Variants in C2orf42 observed in about 807,000 individuals in gnomAD.
C2orf42 encodes uncharacterized protein C2orf42.
In C2orf42, 44 loss-of-function variants were observed where a neutral mutation model predicts 58.9. The observed-to-expected ratio is 0.75, with a 90% CI of 0.59 to 0.96. The LOEUF is 0.96. C2orf42 is among the 40% of genes least tolerant of loss of function. The pLI, the probability that C2orf42 is intolerant of heterozygous loss-of-function variation, is 0.00. For synonymous variants in C2orf42, 239 were observed against 265.4 expected (o/e 0.90, Z 0.97); for missense variants, 630 against 699.2 (o/e 0.90, Z 1.12).
intron 4 of C2orf42, 109 bp downstream of exon 4, chr2:70,179,423 A>C (rs1222827670): frequency 7.7e-6 from 3 of 389,374 alleles, no homozygotes; most frequent in African/African-American, 6.3e-5. Context: ...ATAAAAATAA[A>C]ATAAAATATA....
At position 70,165,648 on chromosome 2, in the gene C2orf42, A is replaced by AG; in HGVS notation, c.1145-14dup. ...GGTTCTGGTTTGCCTATGGGAAACA[A>AG]GAAGAAACAACTCATTTAAAGAAAC... On this transcript the variant is annotated splice_polypyrimidine_tract_variant and intron_variant, in intron 6 of 9. Transcript: ENST00000264434. 2 of 1,436,822 alleles carry AG rather than the reference A, an allele frequency of 1.4e-6. No homozygotes were observed. Among genetic ancestry groups the AG allele is most frequent in the Non-Finnish European group, 9.8e-7 (1 of 1,020,170 alleles). 89.0% of individuals were successfully genotyped at this position (1,436,822 alleles called of 1,614,324 possible).
intron 9 of C2orf42, among the ~76,000 whole-genome samples, chr2:70,157,380 A>G (rs1007535079): frequency 2.1e-4 from 32 of 151,886 alleles, no homozygotes; most frequent in African/African-American, 7.3e-4. Context: ...CGTGAACCCC[A>G]GGGGGCGGAG....
rs1455510272 is a variant in C2orf42, at chr2:70,179,637, T to C, written c.829A>G (p.Lys277Glu). The C allele has an allele frequency of 7.4e-7, 1 of 1,354,214 alleles. No individual in the cohort carries two copies. Among genetic ancestry groups the C allele is most frequent in the East Asian group, 2.3e-5 (1 of 43,624 alleles). 83.9% of individuals were successfully genotyped at this position (1,354,214 alleles called of 1,614,324 possible). Residue 277 changes from lysine (K) to glutamate (E), a missense_variant, in exon 4 of 10, where the codon AAA becomes GAA. Physicochemically the swap from Lys to Glu is moderately conservative, Grantham distance 56 (BLOSUM62 1). Coordinates refer to ENST00000264434, the MANE Select transcript of C2orf42 (RefSeq NM_017880.3). ...CCTAACTGGGGTACAATAATCTCTT[T>C]AAGACCTAAAAAAAAGAAGATTTCT... The part of the protein sequence containing the change: ...DFLNFDSSGL[K>E]EIIVPQLGCH...
chr2:70,177,413 G>A (rs13431238), intron 4 of C2orf42, among the ~76,000 whole-genome samples: 1 of 152,040 alleles, frequency 6.6e-6, no homozygotes, highest in Non-Finnish European at 1.5e-5. Flanking sequence ...GCACAATCCA[G>A]AGCAAGACTC....
intron 8 of C2orf42, among the ~76,000 whole-genome samples, chr2:70,162,461 A>G (rs1428089446): frequency 6.6e-6 from 1 of 151,790 alleles, no homozygotes; most frequent in African/African-American, 2.4e-5. Context: ...CAGCCTGGTC[A>G]ACATGGTGAA....
chr2:70,156,359 G>A (rs1209751884), intron 9 of C2orf42, among the ~76,000 whole-genome samples: 5 of 152,088 alleles, frequency 3.3e-5, no homozygotes, highest in African/African-American at 9.7e-5. Flanking sequence ...GGTGGTGTGT[G>A]CCTGTAGTCC....
At chr2:70,157,903 AAAAG>A (rs1672784422) in intron 9 of C2orf42, among the ~76,000 whole-genome samples, 1 of 151,644 alleles carries the variant, frequency 6.6e-6, no homozygotes, top group Admixed American at 6.6e-5. Context: ...AAAATTCCTA[AAAAG>A]AAAGAAATTA....
chr2:70,170,060 G>C (rs536425721), intron 5 of C2orf42, among the ~76,000 whole-genome samples: 2 of 151,134 alleles, frequency 1.3e-5, no homozygotes, highest in East Asian at 3.9e-4. Flanking sequence ...CGCCCGGCCT[G>C]TTTTTTATTT....
intron 9 of C2orf42, among the ~76,000 whole-genome samples, chr2:70,154,414 TAAAAAAAAAAAAAAAAAAA>T (rs36028499): frequency 3.9e-5 from 1 of 25,566 alleles, no homozygotes; most frequent in Middle Eastern, 0.033. Context: ...AAATTTTTAC[TAAAAAAAAAAAAAAAAAAA>T]AAAAAAAAAA....
At chr2:70,172,457 C>G (rs888473004) in intron 5 of C2orf42, among the ~76,000 whole-genome samples, 1 of 151,994 alleles carries the variant, frequency 6.6e-6, no homozygotes, top group Non-Finnish European at 1.5e-5. Flanking sequence ...GCGGGTGGAT[C>G]TCTTGAGCCC....
At chr2:70,189,943 G>T (rs1435899938) in intron 1 of C2orf42, among the ~76,000 whole-genome samples, 1 of 137,816 alleles carries the variant, frequency 7.3e-6, no homozygotes, top group African/African-American at 2.6e-5. Flanking sequence ...TCTTTTAAAA[G>T]AAAAAAAAAA....
chr2:70,157,834 T>C (rs538983001), intron 9 of C2orf42, among the ~76,000 whole-genome samples: 1 of 152,288 alleles, frequency 6.6e-6, no homozygotes, highest in African/African-American at 2.4e-5. Context: ...TTATATTGGA[T>C]AAATAACATC....
intron 3 of C2orf42, among the ~76,000 whole-genome samples, chr2:70,179,950 C>A (rs762185455): frequency 6.6e-6 from 1 of 151,252 alleles, no homozygotes; most frequent in Non-Finnish European, 1.5e-5. Flanking sequence ...AAAAACAAAC[C>A]AAAAACAAAA....
chr2:70,156,919 T>G (rs1672713269), intron 9 of C2orf42, among the ~76,000 whole-genome samples: 1 of 151,818 alleles, frequency 6.6e-6, no homozygotes, highest in African/African-American at 2.4e-5. Context: ...AAAAGAAAGC[T>G]GGTGTCACTG....
chr2:70,150,571 A>G lies in C2orf42; in HGVS notation c.1517-7T>C. ...TGATCTGGGGAAGTGTTGCCTAAAG[A>G]GAAGAAAGGAGTATTAGTACAATTC... On this transcript the variant is annotated splice_region_variant and splice_polypyrimidine_tract_variant and intron_variant, in intron 9 of 9. Coordinates refer to ENST00000264434, the MANE Select transcript of C2orf42 (RefSeq NM_017880.3). 6.2e-7 allele frequency: 1 copy of G among 1,603,236 alleles called. No individual in the cohort carries two copies. Among genetic ancestry groups the G allele is most frequent in the South Asian group, 1.1e-5 (1 of 90,874 alleles).
chr2:70,169,123 G>A (rs1369268043), intron 6 of C2orf42, among the ~76,000 whole-genome samples: 1 of 151,746 alleles, frequency 6.6e-6, no homozygotes, highest in Non-Finnish European at 1.5e-5. Flanking sequence ...GAGTGCAATG[G>A]CACTATTTTT....
chr2:70,178,701 A>G (rs1674352820), intron 4 of C2orf42, among the ~76,000 whole-genome samples: 1 of 152,040 alleles, frequency 6.6e-6, no homozygotes, highest in Non-Finnish European at 1.5e-5. Context: ...ATGGGAAGCC[A>G]AAGCGGGTGG....
chr2:70,169,762 T>A (rs775616350), intron 5 of C2orf42, 101 bp from the exon 6 acceptor site: 3 of 644,430 alleles, frequency 4.7e-6, no homozygotes, highest in African/African-American at 1.8e-5. Context: ...TTTTTTATTT[T>A]TATTTTATTT....
At chr2:70,157,402 C>A (rs1672746393) in intron 9 of C2orf42, among the ~76,000 whole-genome samples, 1 of 152,012 alleles carries the variant, frequency 6.6e-6, no homozygotes, top group South Asian at 2.1e-4. Context: ...CTGCAGTGAG[C>A]CGAGATCGCA....
Sources: allele counts gnomAD v4.1 joint callset (sites outside exome capture counted in the v4.1 genomes callset), GRCh38; gene constraint gnomAD v4.1.1; transcripts MANE v1.5; gene names NCBI Gene and HGNC (gene_info 2026-07-23, HGNC 2026-07-21).